The following CCDC154 variants were observed in gnomAD, a reference collection of about 807,000 sequenced individuals.
CCDC154 encodes coiled-coil domain-containing protein 154.
Under a neutral mutation model 87.5 loss-of-function variants are expected in CCDC154, and 91 were observed. The ratio of observed to expected loss-of-function variants is 1.04; its 90% CI spans 0.88 to 1.24. The LOEUF is 1.24. Among genes scored for constraint, CCDC154 ranks in the 50% most tolerant of loss-of-function variants. The probability of loss-of-function intolerance (pLI) is 0.00; values close to 1 mark genes in which losing one functional copy is unlikely to be tolerated. For missense variants in CCDC154, 903 were observed against 879.2 expected (o/e 1.03, Z -0.34); for synonymous variants, 418 against 400.4 (o/e 1.04, Z -0.52).
chr16:1,443,496 A>T lies in CCDC154; in HGVS notation c.414+10T>A. The stretch of plus-strand genomic sequence containing the variant: ...GGGCAGCTCGACCTGTGGGTGGGGG[A>T]GCCGCTCACCTCCGGCGCCTCCTTT... On this transcript the variant is annotated intron_variant, in intron 3 of 16. Transcript: ENST00000389176. 1 of 1,451,418 alleles carries T rather than the reference A, an allele frequency of 6.9e-7. No homozygotes were observed. Among genetic ancestry groups the T allele is most frequent in the Non-Finnish European group, 9.0e-7 (1 of 1,111,230 alleles). 89.9% of individuals were successfully genotyped at this position (1,451,418 alleles called of 1,614,324 possible). A position where few individuals can be genotyped will look rare whatever the true frequency, so the allele number is the denominator to read the frequency against.
chr16:1,439,653 G>C (rs2038534141), intron 6 of CCDC154, among the ~76,000 whole-genome samples: 1 of 152,134 alleles, frequency 6.6e-6, no homozygotes, highest in African/African-American at 2.4e-5. Flanking sequence ...GGCGCCTCCC[G>C]GGAAACTTCC....
intron 6 of CCDC154, among the ~76,000 whole-genome samples, chr16:1,440,256 T>C (rs2038538852): frequency 1.3e-5 from 2 of 151,482 alleles, no homozygotes; most frequent in South Asian, 2.1e-4. Context: ...AAGACTATCC[T>C]GGCTAACACG....
Position 1,434,810 on chromosome 16 carries a change from GC to G in CCDC154, c.1734del (p.Leu579CysfsTer21). The G allele has an allele frequency of 1.3e-6, 2 of 1,535,644 alleles. No individual in the cohort carries two copies. The highest frequency in any genetic ancestry group is 1.7e-6 in the Non-Finnish European group (2 of 1,144,180). On this transcript the variant is annotated frameshift_variant, in exon 16 of 17. Coordinates refer to ENST00000389176, the MANE Select transcript of CCDC154 (RefSeq NM_001143980.3). LOFTEE classifies it high-confidence loss of function. ...GTCCGCGGGCCCTCCTCACTCCACA[GC>G]CGGAGCACACTCTCCCACAGGGTGG... ...EMATLWESVLRLWSEEGPRTP... is the reference protein window; with the variant it reads ...EMATLWESVLXLWSEEGPRTP...
chr16:1,443,668 G>A lies in CCDC154; in HGVS notation c.252C>T (p.Ala84=). The A allele has an allele frequency of 7.7e-7, 1 of 1,297,294 alleles. No individual in the cohort carries two copies. The highest frequency in any genetic ancestry group is 2.5e-4 in the Middle Eastern group (1 of 3,996). 80.4% of individuals were successfully genotyped at this position (1,297,294 alleles called of 1,614,324 possible). The part of the protein sequence containing the change: ...QWVVELQAEV[A]CLREHKQRCE... ...AGCGCTGCTTGTGCTCCCGCAGGCA[G>A]GCCACCTCGGCCTGCAGCTCCACCA... The change falls in exon 3 of 17, where the codon GCC becomes GCT. Residue 84 remains alanine (A), a synonymous_variant. Transcript: ENST00000389176.
chr16:1,439,704 G>A (rs1235836070), intron 6 of CCDC154, among the ~76,000 whole-genome samples: 2 of 152,180 alleles, frequency 1.3e-5, no homozygotes, highest in Admixed American at 6.5e-5. Flanking sequence ...CCCCCAGGAG[G>A]TCACCTTAGA....
In CCDC154 at chr16:1,436,816, G is replaced by A. The variant is rs2038506399; in HGVS notation, c.1291-5C>T. 1.9e-6 allele frequency: 3 copies of A among 1,550,344 alleles called. No homozygotes were observed. The highest frequency in any genetic ancestry group is 2.6e-6 in the Non-Finnish European group (3 of 1,146,914). On this transcript the variant is annotated splice_polypyrimidine_tract_variant and splice_region_variant and intron_variant, in intron 11 of 16. Transcript: ENST00000389176. The stretch of plus-strand genomic sequence containing the variant: ...ACCTTCCCATTCGGTCTTTGCCTGG[G>A]GTACAGATGCCCAGTGAGGGACAAA...
intron 11 of CCDC154, 84 bp downstream of exon 11, chr16:1,437,733 A>C: frequency 1.4e-6 from 2 of 1,436,270 alleles, no homozygotes. Context: ...TCAGGCCTCT[A>C]CCCTGGGGGC....
rs866361386 is a variant in CCDC154, at chr16:1,435,003, C to T, written c.1692+86G>A. On this transcript the variant is annotated intron_variant, in intron 15 of 16. Transcript: ENST00000389176. ...AGACACTTGGACAGACAGACACTGG[C>T]GCCTGCAGCAGGGCAGGCGGGGAGG... The T allele has an allele frequency of 1.1e-5, 16 of 1,445,516 alleles. No homozygotes were observed. The African/African-American group carries it at 1.1e-4, about 10-fold the overall frequency. The allele number at this position is 1,445,516 out of a possible 1,614,324, so 89.5% of individuals were successfully genotyped here.
rs187483357 is a variant in CCDC154 at position 1,435,416 on chromosome 16, G to A, written c.1606-241C>T. The stretch of plus-strand genomic sequence containing the variant: ...GGGTTGTTCCGGCCCTCGTGGCTGC[G>A]GACGGCACCCCGGTGTGGGGGCTCC... On this transcript the variant is annotated intron_variant, in intron 14 of 16. Coordinates refer to ENST00000389176, the MANE Select transcript of CCDC154 (RefSeq NM_001143980.3). 1.6e-3 allele frequency: 912 copies of A among 563,664 alleles called. 14 individuals carry two copies. The highest frequency in any genetic ancestry group is 0.014 in the South Asian group (673 of 46,914). 34.9% of individuals were successfully genotyped at this position (563,664 alleles called of 1,614,324 possible). A position where few individuals can be genotyped will look rare whatever the true frequency, so the allele number is the denominator to read the frequency against.
rs751263725 is a variant in CCDC154 at position 1,434,492 on chromosome 16, C to T, written c.1920G>A (p.Leu640=). 1.2e-4 allele frequency: 189 copies of T among 1,549,736 alleles called. No homozygotes were observed. The highest frequency in any genetic ancestry group is 2.0e-4 in the South Asian group (17 of 84,054). The change falls in exon 17 of 17, where the codon CTG becomes CTA. Residue 640 remains leucine, a synonymous_variant. Coordinates refer to ENST00000389176, the MANE Select transcript of CCDC154 (RefSeq NM_001143980.3). ...WKASLIKLRA[L]RRPGGVLEKP... is the part of the protein sequence containing the mutation. ...TCTCCAGGACCCCTCCTGGCCTCCG[C>T]AGGGCCCTGAGCTTTATGAGGGACG...
rs775843012 is a variant in CCDC154, at chr16:1,443,512, C to T, written c.408G>A (p.Ala136=). The change falls in exon 3 of 17, where the codon GCG becomes GCA. Residue 136 remains alanine (A), a synonymous_variant. Transcript: ENST00000389176. ...RPAAQAPEKE[A]PEFSGLQNQM... is the part of the protein sequence containing the mutation. The stretch of plus-strand genomic sequence containing the variant: ...GGGTGGGGGAGCCGCTCACCTCCGG[C>T]GCCTCCTTTTCGGGGGCCTGGGCTG... 155 of 1,471,584 alleles carry T rather than the reference C, an allele frequency of 1.1e-4. 1 individual carries two copies. Among genetic ancestry groups the T allele is most frequent in the South Asian group, 3.0e-4 (22 of 73,290 alleles). The allele number at this position is 1,471,584 out of a possible 1,614,324, so 91.2% of individuals were successfully genotyped here. A position where few individuals can be genotyped will look rare whatever the true frequency, so the allele number is the denominator to read the frequency against.
At chr16:1,435,837 G>T in intron 14 of CCDC154, 132 bp downstream of exon 14, 3 of 780,352 alleles carry the variant, frequency 3.8e-6, no homozygotes, top group Non-Finnish European at 6.2e-6. Flanking sequence ...CCGACAGGTG[G>T]TTTTCTGAGC....
Position 1,439,118 on chromosome 16 carries a change from C to T in CCDC154, c.684G>A (p.Val228=). 1 of 1,550,056 alleles carries T rather than the reference C, an allele frequency of 6.5e-7. No homozygotes were observed. The highest frequency in any genetic ancestry group is 8.7e-7 in the Non-Finnish European group (1 of 1,146,864). The change falls in exon 7 of 17, where the codon GTG becomes GTA. Residue 228 remains valine (V), a synonymous_variant. Transcript: ENST00000389176. ...DLEVARMQAQ[V]TKLGEEVSLR... Reference sequence around the variant, plus strand: ...GGCTCACCTCTTCGCCGAGCTTGGTCACCTGGGCCTGGGGCGGAGGCACAT... The same window carrying T: ...GGCTCACCTCTTCGCCGAGCTTGGTTACCTGGGCCTGGGGCGGAGGCACAT...
chr16:1,444,459 G>GCAGCAGCTCGTCCCTCA lies in CCDC154; in HGVS notation c.-138_-137insTGAGGGACGAGCTGCTG. 1.1e-6 allele frequency: 1 copy of GCAGCAGCTCGTCCCTCA among 895,276 alleles called. No individual in the cohort carries two copies. The highest frequency in any genetic ancestry group is 1.5e-6 in the Non-Finnish European group (1 of 668,834). The allele number at this position is 895,276 out of a possible 1,614,324, so 55.5% of individuals were successfully genotyped here. A position where few individuals can be genotyped will look rare whatever the true frequency, so the allele number is the denominator to read the frequency against. On this transcript the variant is annotated 5_prime_UTR_variant, in exon 1 of 17. Coordinates refer to ENST00000389176, the MANE Select transcript of CCDC154 (RefSeq NM_001143980.3). Reference sequence around the variant, plus strand: ...CCCGTGAGAGCTCTGGGCCTTGAGGGACGAGCTGCTGCCCTCGTCTGGCTG... The same window carrying GCAGCAGCTCGTCCCTCA: ...CCCGTGAGAGCTCTGGGCCTTGAGGGCAGCAGCTCGTCCCTCAACGAGCTGCTGCCCTCGTCTGGCTG...
intron 11 of CCDC154, chr16:1,437,092 C>G: frequency 2.2e-6 from 1 of 464,966 alleles, no homozygotes. Context: ...GACCCAGCCC[C>G]GAAACGCAGG....
chr16:1,434,776 C>G lies in CCDC154; in HGVS notation c.1769G>C (p.Gly590Ala). Residue 590 changes from glycine (G) to alanine (A), a missense_variant, in exon 16 of 17, where the codon GGC (glycine) becomes GCC (alanine). Gly to Ala is a moderately conservative substitution (Grantham distance 60, BLOSUM62 0). Transcript: ENST00000389176. ...CAGGGATGGGAGCGCCTTCCAGCTG[C>G]CCAGCGGCGTCCGCGGGCCCTCCTC... The part of the protein sequence containing the change: ...WSEEGPRTPL[G>A]SWKALPSLVR... The G allele has an allele frequency of 6.5e-7, 1 of 1,543,642 alleles. No individual in the cohort carries two copies. The highest frequency in any genetic ancestry group is 1.2e-5 in the South Asian group (1 of 83,972).
chr16:1,442,283 C>T (rs1567259130), intron 6 of CCDC154, 123 bp downstream of exon 6: 1 of 1,144,192 alleles, frequency 8.7e-7, no homozygotes, highest in South Asian at 1.7e-5. Context: ...ACAACTATAG[C>T]TGATTTCAGT....
chr16:1,434,603 G>C (rs1482175714), intron 16 of CCDC154, 65 bp downstream of exon 16: 11 of 1,500,168 alleles, frequency 7.3e-6, no homozygotes, highest in Non-Finnish European at 8.0e-6. Flanking sequence ...TGCTGCCTGT[G>C]GGCCCCCAGC....
chr16:1,436,400 G>A (rs541611072), intron 13 of CCDC154, 45 bp downstream of exon 13: 22 of 1,466,566 alleles, frequency 1.5e-5, no homozygotes, highest in Admixed American at 1.4e-4. Flanking sequence ...GCCCAGTAAC[G>A]GTCAGCAGAG....
Sources: gnomAD v4.1 joint callset for allele counts (sites outside exome capture counted in the v4.1 genomes callset) on GRCh38, gnomAD v4.1.1 for gene constraint, MANE v1.5 for transcripts, NCBI Gene and HGNC (gene_info 2026-07-23, HGNC 2026-07-21) for gene names.